The following RSBN1 variants were observed in gnomAD, a reference collection of about 807,000 sequenced individuals.
The protein encoded by RSBN1 is lysine-specific demethylase 9.
RSBN1 carries 23 observed loss-of-function variants against 74.8 expected under a neutral mutation model. The ratio of observed to expected loss-of-function variants is 0.31; its 90% CI spans 0.22 to 0.44. The LOEUF is 0.44. Ranked by LOEUF, RSBN1 falls within the 20% of genes least tolerant of loss-of-function variation. The pLI is 1.00. For missense variants in RSBN1, 808 were observed against 1,020.9 expected, an observed-to-expected ratio of 0.79 and a Z score of 2.84; for synonymous variants, 407 against 379.6, an observed-to-expected ratio of 1.07 and a Z score of -0.84.
chr1:113,781,338 ATACCACTCCCC>A (rs1171460122), intron 2 of RSBN1, among the ~76,000 whole-genome samples: 1 of 152,156 alleles, frequency 6.6e-6, no homozygotes, highest in Non-Finnish European at 1.5e-5. Flanking sequence ...GCTTCTGCCC[ATACCACTCCCC>A]TGAAACAAAT....
chr1:113,803,299 T>C (rs1660623646), intron 1 of RSBN1, among the ~76,000 whole-genome samples: 1 of 152,236 alleles, frequency 6.6e-6, no homozygotes, highest in Non-Finnish European at 1.5e-5. Flanking sequence ...AATAAACCTA[T>C]TATGAACACC....
chr1:113,773,801 G>A lies in RSBN1; in HGVS notation c.1658+3409C>T, dbSNP rs755003856. Among the ~76,000 whole-genome samples the A allele has an allele frequency of 3.8e-4, 58 of 152,150 alleles. 1 individual carries two copies. Among genetic ancestry groups the A allele is most frequent in the Admixed American group, 3.7e-3 (56 of 15,292 alleles). On this transcript the variant is annotated intron_variant, in intron 4 of 6. Transcript: ENST00000261441. ...AGAAGGATCACAAGGTCAAGAGATCGAGACCATCCTAGCCAACATGGTGAA... is the reference window on the plus strand; with the variant it reads ...AGAAGGATCACAAGGTCAAGAGATCAAGACCATCCTAGCCAACATGGTGAA...
At chr1:113,807,337 A>G (rs368577771) in intron 1 of RSBN1, among the ~76,000 whole-genome samples, 2 of 151,924 alleles carry the variant, frequency 1.3e-5, no homozygotes, top group Non-Finnish European at 2.9e-5. Flanking sequence ...AACAACCAAA[A>G]TAAAAACAAG....
In RSBN1 at chr1:113,797,894, A is replaced by C; in HGVS notation, c.846T>G (p.Cys282Trp). Residue 282 changes from cysteine to tryptophan, a missense_variant, in exon 2 of 7, where the codon TGT becomes TGG. Cys to Trp is a radical substitution (Grantham distance 215). Around this residue, in one of 6 missense-constraint regions of RSBN1, gnomAD observed 464 missense variants for 401.0 expected, o/e 1.16. Coordinates refer to ENST00000261441, the MANE Select transcript of RSBN1 (RefSeq NM_018364.5). ...CTTTACTGATGCGGGTCAGGCCAGCACAGACGGTTTGTACTTCCTTATTGT... is the reference window on the plus strand; with the variant it reads ...CTTTACTGATGCGGGTCAGGCCAGCCCAGACGGTTTGTACTTCCTTATTGT... ...KMYNKEVQTV[C>W]AGLTRISKEI... 6.2e-7 allele frequency: 1 copy of C among 1,613,614 alleles called. No homozygotes were observed.
At chr1:113,800,304 G>T (rs1318685865) in intron 1 of RSBN1, among the ~76,000 whole-genome samples, 2 of 152,038 alleles carry the variant, frequency 1.3e-5, no homozygotes, top group Admixed American at 1.3e-4. Flanking sequence ...CCTGGCAAGA[G>T]AAAAAGTCAT....
chr1:113,796,911 A>G (rs560997228), intron 2 of RSBN1, among the ~76,000 whole-genome samples: 2 of 152,350 alleles, frequency 1.3e-5, no homozygotes, highest in African/African-American at 4.8e-5. Context: ...TAAATGGGGT[A>G]TATTTCTGGG....
Position 113,762,866 on chromosome 1 carries a change from G to A in RSBN1, c.*3114C>T, listed in dbSNP as rs1356937747. ...AATAAGCTCCTTTTTCCCCCTACAA[G>A]AGCTTGTAATATTAGTCAACTGGTA... On this transcript the variant is annotated 3_prime_UTR_variant, in exon 7 of 7. Coordinates refer to ENST00000261441, the MANE Select transcript of RSBN1 (RefSeq NM_018364.5). 6.6e-6 allele frequency: 1 copy of A among 152,658 alleles called. No individual in the cohort carries two copies. The highest frequency in any genetic ancestry group is 2.4e-5 in the African/African-American group (1 of 41,430). The allele number at this position is 152,658 out of a possible 1,614,324, so 9.5% of individuals were successfully genotyped here. A position where few individuals can be genotyped will look rare whatever the true frequency, so the allele number is the denominator to read the frequency against.
chr1:113,779,178 TA>T (rs1277751957), intron 2 of RSBN1, among the ~76,000 whole-genome samples: 2 of 152,226 alleles, frequency 1.3e-5, no homozygotes, highest in South Asian at 2.1e-4. Context: ...TAATGAACAT[TA>T]AAAAAAATTT....
intron 1 of RSBN1, among the ~76,000 whole-genome samples, chr1:113,808,785 G>C (rs537917697): frequency 6.6e-6 from 1 of 152,318 alleles, no homozygotes; most frequent in South Asian, 2.1e-4. Context: ...GCTGCCAGAG[G>C]ACAGGGACAG....
rs1421246393 is a variant in RSBN1, at chr1:113,766,371, T to C, written c.2018A>G (p.Asn673Ser). The C allele has an allele frequency of 2.5e-6, 4 of 1,613,976 alleles. No homozygotes were observed. The highest frequency in any genetic ancestry group is 2.5e-6 in the Non-Finnish European group (3 of 1,179,964). Reference protein sequence around the residue: ...IRYARIQLCDNDIYFIPRNVI... With the variant: ...IRYARIQLCDSDIYFIPRNVI... ...ATTTCTAGGGATGAAGTAGATATCA[T>C]TGTCGCAAAGCTGAATTCTAGCATA... is the stretch of plus-strand genomic sequence containing the variant. The change falls in exon 7 of 7, where the codon AAT becomes AGT. Residue 673 changes from asparagine to serine, a missense_variant. Physicochemically the swap from Asn to Ser is conservative, Grantham distance 46. Transcript: ENST00000261441.
Position 113,812,008 on chromosome 1 carries a change from TG to T in RSBN1, c.404del (p.Pro135GlnfsTer42). On this transcript the variant is annotated frameshift_variant, in exon 1 of 7. Transcript: ENST00000261441. LOFTEE classifies it high-confidence loss of function. ...LPPTNAAPTV[P>X]GPVEPLLLPP... ...GCAGGAGAAGAGGCTCAACAGGGCC[TG>T]GGACAGTTGGGGCTGCATTCGTTGG... The T allele has an allele frequency of 6.5e-7, 1 of 1,545,096 alleles. No homozygotes were observed.
rs529882810 is a variant in RSBN1, at chr1:113,762,135, C to T, written c.*3845G>A. The T allele has an allele frequency of 2.0e-5, 3 of 152,764 alleles. No homozygotes were observed. The South Asian group carries it at 6.2e-4, about 32-fold the overall frequency. The allele number at this position is 152,764 out of a possible 1,614,324, so 9.5% of individuals were successfully genotyped here. ...AGACCTCTTAGATAAATAAAAGCCA[C>T]AGGAAAAAAAGTCTTAGCTGCCAAT... On this transcript the variant is annotated 3_prime_UTR_variant, in exon 7 of 7. Transcript: ENST00000261441.
chr1:113,804,439 C>T (rs1219698504), intron 1 of RSBN1, among the ~76,000 whole-genome samples: 1 of 152,162 alleles, frequency 6.6e-6, no homozygotes, highest in East Asian at 1.9e-4. Flanking sequence ...AAGATTCAAA[C>T]TTCTCACCTA....
At chr1:113,777,084 G>A in intron 4 of RSBN1, 126 bp downstream of exon 4, 1 of 770,238 alleles carries the variant, frequency 1.3e-6, no homozygotes, top group East Asian at 2.6e-5. Flanking sequence ...ACTGAAAAGA[G>A]GAACCGACAA....
intron 2 of RSBN1, among the ~76,000 whole-genome samples, chr1:113,778,582 G>T (rs1393143692): frequency 6.6e-6 from 1 of 152,102 alleles, no homozygotes; most frequent in Non-Finnish European, 1.5e-5. Flanking sequence ...GTACAGGTGT[G>T]AGCCACCAAG....
intron 4 of RSBN1, among the ~76,000 whole-genome samples, chr1:113,772,860 C>T (rs942100671): frequency 3.9e-5 from 6 of 152,164 alleles, no homozygotes; most frequent in Admixed American, 3.9e-4. Context: ...ATCTCTTCCT[C>T]TATACTGAAG....
At chr1:113,808,018 A>T (rs1480854255) in intron 1 of RSBN1, among the ~76,000 whole-genome samples, 1 of 152,172 alleles carries the variant, frequency 6.6e-6, no homozygotes, top group Non-Finnish European at 1.5e-5. Flanking sequence ...AATACCAGAT[A>T]CTGGCAAGAA....
rs1659735945 is a variant in RSBN1 at position 113,764,010 on chromosome 1, G to A, written c.*1970C>T. 1 of 152,228 alleles carries A rather than the reference G, an allele frequency of 6.6e-6. No individual in the cohort carries two copies. The highest frequency in any genetic ancestry group is 2.1e-4 in the South Asian group (1 of 4,820). 9.4% of individuals were successfully genotyped at this position (152,228 alleles called of 1,614,324 possible). On this transcript the variant is annotated 3_prime_UTR_variant, in exon 7 of 7. Coordinates refer to ENST00000261441, the MANE Select transcript of RSBN1 (RefSeq NM_018364.5). ...ATTTTTAAAAGCAAATGTTGCCTGA[G>A]AAGAATTTTACTTTGCACAGCCTGG...
intron 1 of RSBN1, among the ~76,000 whole-genome samples, chr1:113,802,827 A>G (rs1313069637): frequency 1.3e-5 from 2 of 152,194 alleles, no homozygotes; most frequent in Non-Finnish European, 2.9e-5. Context: ...GTTACAACTG[A>G]TAAGTCTACA....
Sources: gnomAD v4.1 joint callset for allele counts (sites outside exome capture counted in the v4.1 genomes callset) on GRCh38, gnomAD v4.1.1 for gene constraint, gnomAD v4.1.1 regional missense constraint, MANE v1.5 for transcripts, NCBI Gene and HGNC (gene_info 2026-07-23, HGNC 2026-07-21) for gene names.